Variants in ADHFE1 observed in about 807,000 individuals in gnomAD.
ADHFE1 encodes the protein hydroxyacid-oxoacid transhydrogenase, mitochondrial.
A neutral mutation model predicts 54.8 loss-of-function variants in ADHFE1; 37 were observed. That is an observed-to-expected ratio of 0.68 (90% CI 0.52 to 0.89). ADHFE1 has a LOEUF of 0.89. ADHFE1 is among the 40% of genes least tolerant of loss of function. The pLI is 0.00. For synonymous variants in ADHFE1, 203 were observed against 229.3 expected (o/e 0.89, Z 1.04); for missense variants, 601 against 591.2 (o/e 1.02, Z -0.17).
Position 66,460,474 on chromosome 8 carries a change from C to A in ADHFE1, c.1320+9C>A, listed in dbSNP as rs773665578. On this transcript the variant is annotated intron_variant, in intron 13 of 13. Coordinates refer to ENST00000396623, the MANE Select transcript of ADHFE1 (RefSeq NM_144650.3). ...AAGGAACGCTGCCCCAGGTAAGAGA[C>A]CGGCAGGCTCCTCACTCCCTGCGAA... is the stretch of plus-strand genomic sequence containing the variant. The A allele has an allele frequency of 6.4e-7, 1 of 1,565,236 alleles. No homozygotes were observed. The highest frequency in any genetic ancestry group is 1.4e-5 in the African/African-American group (1 of 73,474).
intron 8 of ADHFE1, among the ~76,000 whole-genome samples, chr8:66,449,706 C>A (rs1806204327): frequency 1.3e-5 from 2 of 152,212 alleles, no homozygotes; most frequent in African/African-American, 4.8e-5. Context: ...TGCCAAATGA[C>A]CCTTGTTCAT....
At chr8:66,443,947 T>A (rs1295531331) in intron 3 of ADHFE1, among the ~76,000 whole-genome samples, 2 of 152,144 alleles carry the variant, frequency 1.3e-5, no homozygotes. Flanking sequence ...AGGCCCTGTG[T>A]CTCTTATTCA....
At chr8:66,465,469 G>C (rs1366001858) in intron 13 of ADHFE1, among the ~76,000 whole-genome samples, 5 of 152,100 alleles carry the variant, frequency 3.3e-5, no homozygotes, top group African/African-American at 1.2e-4. Flanking sequence ...AAATGACTAA[G>C]GATGGTGAGC....
In ADHFE1 at chr8:66,454,128, C is replaced by T. The variant is rs768261247; in HGVS notation, c.957C>T (p.Ile319=). 1.1e-5 allele frequency: 18 copies of T among 1,613,924 alleles called. No individual in the cohort carries two copies. The South Asian group carries it at 1.6e-4, about 15-fold the overall frequency. The change falls in exon 10 of 14, where the codon ATC becomes ATT. Residue 319 remains isoleucine, a synonymous_variant. Coordinates refer to ENST00000396623, the MANE Select transcript of ADHFE1 (RefSeq NM_144650.3). ...HMHLASAFAG[I]GFGNAGVHLC... ...ACTTGGCAAGTGCTTTTGCTGGCAT[C>T]GGCTTTGGAAATGCTGGTGTTCATC...
At position 66,456,862 on chromosome 8, in the gene ADHFE1, A is replaced by C. The variant is rs1323295095; in HGVS notation, c.1032A>C (p.Lys344Asn). ...TTTCAGGTTTAGTGAAGATGTATAAAGCAAAGGATTACAATGTGGATCACC... is the reference window on the plus strand; with the variant it reads ...TTTCAGGTTTAGTGAAGATGTATAACGCAAAGGATTACAATGTGGATCACC... ...YPISGLVKMY[K>N]AKDYNVDHPL... is the part of the protein sequence containing the mutation. Residue 344 changes from lysine to asparagine, a missense_variant, in exon 11 of 14, where the codon AAA becomes AAC. Coordinates refer to ENST00000396623, the MANE Select transcript of ADHFE1 (RefSeq NM_144650.3). The C allele has an allele frequency of 3.8e-6, 6 of 1,597,658 alleles. No homozygotes were observed. The highest frequency in any genetic ancestry group is 4.3e-6 in the Non-Finnish European group (5 of 1,173,912).
At chr8:66,464,944 T>G in intron 13 of ADHFE1, among the ~76,000 whole-genome samples, 2 of 152,236 alleles carry the variant, frequency 1.3e-5, no homozygotes, top group East Asian at 3.8e-4. Context: ...CCTAGGTACC[T>G]CATGTAAGTG....
rs1193360767 is a variant in ADHFE1, at chr8:66,448,875, G to A, written c.639G>A (p.Ser213=). 6 of 1,613,882 alleles carry A rather than the reference G, an allele frequency of 3.7e-6. No homozygotes were observed. The highest frequency in any genetic ancestry group is 2.2e-5 in the East Asian group (1 of 44,864). Residue 213 remains serine (S), a synonymous_variant, in exon 8 of 14, where the codon TCG becomes TCA. Coordinates refer to ENST00000396623, the MANE Select transcript of ADHFE1 (RefSeq NM_144650.3). ...ATCCTTATGTTTTAGGCATCACTTCGAGAGCCATCAAACCCACACTGGGAC... is the reference window on the plus strand; with the variant it reads ...ATCCTTATGTTTTAGGCATCACTTCAAGAGCCATCAAACCCACACTGGGAC... ...EHLKVKIGIT[S]RAIKPTLGLI...
chr8:66,457,691 T>G (rs1460839730), intron 12 of ADHFE1, among the ~76,000 whole-genome samples: 7 of 152,096 alleles, frequency 4.6e-5, no homozygotes, highest in Non-Finnish European at 8.8e-5. Context: ...AAATATATGA[T>G]TAAAAATGTC....
In ADHFE1 at chr8:66,435,057, T is replaced by C. The variant is rs926741304; in HGVS notation, c.59+2482T>C. Among the ~76,000 whole-genome samples, 22 of 151,906 alleles carry C rather than the reference T, an allele frequency of 1.4e-4. 2 individuals carry two copies. The highest frequency in any genetic ancestry group is 1.2e-3 in the Admixed American group (19 of 15,252). ...GGGTACAGCAGGGAACAAAACAACC[T>C]AACCACACCATGCATGGGGCACAGG... On this transcript the variant is annotated intron_variant, in intron 1 of 13. Transcript: ENST00000396623.
chr8:66,443,783 T>C (rs1214124461), intron 3 of ADHFE1, among the ~76,000 whole-genome samples: 3 of 152,130 alleles, frequency 2.0e-5, no homozygotes, highest in African/African-American at 4.8e-5. Flanking sequence ...GATGGTCTTA[T>C]TAAATTTTTT....
chr8:66,440,510 G>C (rs1308190428), intron 2 of ADHFE1, among the ~76,000 whole-genome samples: 1 of 152,186 alleles, frequency 6.6e-6, no homozygotes. Context: ...TTGTCAAACA[G>C]AATTAATCAA....
At chr8:66,465,224 G>A (rs954809248) in intron 13 of ADHFE1, among the ~76,000 whole-genome samples, 2 of 152,080 alleles carry the variant, frequency 1.3e-5, no homozygotes, top group East Asian at 3.8e-4. Context: ...ATTCTTTGGG[G>A]TATATACCTA....
chr8:66,450,469 A>G (rs1563490958), intron 8 of ADHFE1, among the ~76,000 whole-genome samples: 1 of 152,260 alleles, frequency 6.6e-6, no homozygotes, highest in Non-Finnish European at 1.5e-5. Flanking sequence ...AAGGTGGACA[A>G]GCCATGTATT....
intron 13 of ADHFE1, among the ~76,000 whole-genome samples, chr8:66,461,203 C>T (rs185005533): frequency 2.2e-4 from 33 of 152,310 alleles, no homozygotes; most frequent in Admixed American, 1.7e-3. Context: ...AGCATGAGTG[C>T]TTGGTTGGTG....
At chr8:66,433,113 G>A (rs1805287874) in intron 1 of ADHFE1, among the ~76,000 whole-genome samples, 1 of 152,066 alleles carries the variant, frequency 6.6e-6, no homozygotes, top group Non-Finnish European at 1.5e-5. Flanking sequence ...GGGAGTCAGG[G>A]TATTCAATGT....
At chr8:66,442,749 T>A (rs767598265) in intron 2 of ADHFE1, 49 bp from the exon 3 acceptor site, 3 of 1,494,198 alleles carry the variant, frequency 2.0e-6, no homozygotes, top group Non-Finnish European at 2.8e-6. Flanking sequence ...AAATAACATT[T>A]ATGCTTTTTT....
chr8:66,447,200 A>T, intron 6 of ADHFE1, 64 bp from the exon 7 acceptor site: 1 of 1,439,056 alleles, frequency 6.9e-7, no homozygotes, highest in Non-Finnish European at 9.7e-7. Context: ...CCTAAGGCTG[A>T]ATTAGGTATC....
At chr8:66,444,522 C>A (rs1805928625) in intron 4 of ADHFE1, 72 bp from the exon 5 acceptor site, 2 of 1,607,296 alleles carry the variant, frequency 1.2e-6, no homozygotes, top group East Asian at 2.2e-5. Context: ...TAAAAATGTA[C>A]AACGTGAGTT....
intron 3 of ADHFE1, 85 bp from the exon 4 acceptor site, chr8:66,444,282 C>T: frequency 7.8e-7 from 1 of 1,281,458 alleles, no homozygotes. Context: ...ATGCTCTAGG[C>T]AACAAGAAAC....
Sources: allele counts gnomAD v4.1 joint callset (sites outside exome capture counted in the v4.1 genomes callset), GRCh38; gene constraint gnomAD v4.1.1; transcripts MANE v1.5; gene names NCBI Gene and HGNC (gene_info 2026-07-23, HGNC 2026-07-21).